The following TMEM106B variants were observed in gnomAD, a reference collection of about 807,000 sequenced individuals.
TMEM106B encodes the protein transmembrane protein 106B.
TMEM106B carries 15 observed loss-of-function variants against 31.1 expected under a neutral mutation model. The ratio of observed to expected loss-of-function variants is 0.48; its 90% CI spans 0.32 to 0.74. TMEM106B has a LOEUF of 0.74. TMEM106B is among the 30% of genes least tolerant of loss of function. The pLI is 0.03. For synonymous variants in TMEM106B, 126 were observed against 112.5 expected (o/e 1.12, Z -0.76); for missense variants, 283 against 327.3 (o/e 0.86, Z 1.04).
chr7:12,214,747 A>G, intron 1 of TMEM106B, 62 bp from the exon 2 acceptor site: 1 of 1,262,850 alleles, frequency 7.9e-7, no homozygotes, highest in Non-Finnish European at 1.1e-6. Flanking sequence ...TAAATATCTC[A>G]GAGTGTTCTT....
At chr7:12,221,801 C>G (rs772274823) in intron 3 of TMEM106B, among the ~76,000 whole-genome samples, 6 of 152,046 alleles carry the variant, frequency 3.9e-5, no homozygotes, top group Non-Finnish European at 7.4e-5. Context: ...GGCAGAGTAC[C>G]AGAAGGTAGA....
intron 3 of TMEM106B, among the ~76,000 whole-genome samples, chr7:12,221,137 ATAACT>A (rs1294364194): frequency 7.9e-5 from 12 of 151,072 alleles, no homozygotes; most frequent in South Asian, 2.1e-4. Context: ...TTTTTTTTAC[ATAACT>A]TAAAAGATGA....
rs918572281 is a variant in TMEM106B, at chr7:12,232,201, A to AT, written c.*229dup. 5 of 335,110 alleles carry AT rather than the reference A, an allele frequency of 1.5e-5. No individual in the cohort carries two copies. Among genetic ancestry groups the AT allele is most frequent in the African/African-American group, 1.0e-4 (5 of 48,288 alleles). 20.8% of individuals were successfully genotyped at this position (335,110 alleles called of 1,614,324 possible). A position where few individuals can be genotyped will look rare whatever the true frequency, so the allele number is the denominator to read the frequency against. On this transcript the variant is annotated 3_prime_UTR_variant, in exon 8 of 8. Transcript: ENST00000396668. ...TACTTGAATCTAAATTTACTGGTTGATTTCCTTCTCCAGCCTATCCCCTAC... is the reference window on the plus strand; with the variant it reads ...TACTTGAATCTAAATTTACTGGTTGATTTTCCTTCTCCAGCCTATCCCCTAC...
intron 4 of TMEM106B, among the ~76,000 whole-genome samples, chr7:12,229,304 T>A (rs1034699949): frequency 6.6e-6 from 1 of 152,166 alleles, no homozygotes; most frequent in Non-Finnish European, 1.5e-5. Context: ...AGTGAGCTGT[T>A]GTAAATCTCT....
chr7:12,226,190 G>C (rs1241665480), intron 4 of TMEM106B, among the ~76,000 whole-genome samples: 2 of 152,076 alleles, frequency 1.3e-5, no homozygotes, highest in Non-Finnish European at 2.9e-5. Flanking sequence ...GTAGATGTGT[G>C]GTATTATTTC....
Position 12,243,062 on chromosome 7 carries a change from T to C in TMEM106B, c.*11087T>C, listed in dbSNP as rs1782260983. ...ATAACATCATTAGATTTTTACAGAA[T>C]CTTTAAAAAAGCTTTAATATTTTCA... On this transcript the variant is annotated 3_prime_UTR_variant, in exon 8 of 8. Transcript: ENST00000396668. 1 of 152,116 alleles carries C rather than the reference T, an allele frequency of 6.6e-6. No homozygotes were observed. Among genetic ancestry groups the C allele is most frequent in the African/African-American group, 2.4e-5 (1 of 41,466 alleles). The allele number at this position is 152,116 out of a possible 1,614,324, so 9.4% of individuals were successfully genotyped here. A position where few individuals can be genotyped will look rare whatever the true frequency, so the allele number is the denominator to read the frequency against.
At chr7:12,231,557 CT>C (rs1782023301) in intron 7 of TMEM106B, 2 of 294,212 alleles carry the variant, frequency 6.8e-6, no homozygotes, top group Admixed American at 9.5e-5. Flanking sequence ...ACCATGGTCA[CT>C]TTTAAGCATA....
chr7:12,233,730 C>A lies in TMEM106B; in HGVS notation c.*1755C>A, dbSNP rs1782074982. ...CTTCTGCTACGTTTCCTGACTACTA[C>A]TGCATACTTCTCTGATACAGGTTCT... On this transcript the variant is annotated 3_prime_UTR_variant, in exon 8 of 8. Transcript: ENST00000396668. The A allele has an allele frequency of 6.6e-6, 1 of 150,984 alleles. No individual in the cohort carries two copies. The allele number at this position is 150,984 out of a possible 1,614,324, so 9.4% of individuals were successfully genotyped here.
intron 2 of TMEM106B, among the ~76,000 whole-genome samples, chr7:12,218,126 A>G (rs1781723353): frequency 6.6e-6 from 1 of 152,120 alleles, no homozygotes; most frequent in Non-Finnish European, 1.5e-5. Flanking sequence ...ACCAAATCAG[A>G]GTCTTAATGG....
At position 12,235,035 on chromosome 7, in the gene TMEM106B, A is replaced by T. The variant is rs1391852621; in HGVS notation, c.*3060A>T. 6.6e-6 allele frequency: 1 copy of T among 152,246 alleles called. No individual in the cohort carries two copies. Among genetic ancestry groups the T allele is most frequent in the Non-Finnish European group, 1.5e-5 (1 of 67,828 alleles). The allele number at this position is 152,246 out of a possible 1,614,324, so 9.4% of individuals were successfully genotyped here. On this transcript the variant is annotated 3_prime_UTR_variant, in exon 8 of 8. Coordinates refer to ENST00000396668, the MANE Select transcript of TMEM106B (RefSeq NM_001134232.2). The stretch of plus-strand genomic sequence containing the variant: ...GAAATCCCTGCTGACTCAGATTGGT[A>T]TGATTAAAAATGAGAGGAAAGTTCA...
At chr7:12,231,797 A>G (rs761035581) in intron 7 of TMEM106B, 40 bp from the exon 8 acceptor site, 14 of 1,518,422 alleles carry the variant, frequency 9.2e-6, no homozygotes, top group Non-Finnish European at 1.2e-5. Flanking sequence ...AACTTCTAAT[A>G]TAACTATTAA....
At chr7:12,219,498 G>A (rs975217940) in intron 3 of TMEM106B, among the ~76,000 whole-genome samples, 1 of 152,154 alleles carries the variant, frequency 6.6e-6, no homozygotes, top group Non-Finnish European at 1.5e-5. Context: ...AGAAGTTGAA[G>A]AAAGTAAGCT....
chr7:12,230,230 A>T (rs1027979598), intron 5 of TMEM106B, 159 bp from the exon 6 acceptor site: 1 of 682,656 alleles, frequency 1.5e-6, no homozygotes, highest in Non-Finnish European at 2.6e-6. Flanking sequence ...AAGAAAAAAA[A>T]GAAAAAGAAA....
At position 12,224,282 on chromosome 7, in the gene TMEM106B, T is replaced by G. The variant is rs1583454600; in HGVS notation, c.338T>G (p.Val113Gly). The change falls in exon 4 of 8, where the codon GTG (valine) becomes GGG (glycine). Residue 113 changes from valine (V) to glycine (G), a missense_variant. Coordinates refer to ENST00000396668, the MANE Select transcript of TMEM106B (RefSeq NM_001134232.2). ...FVCLLLSGLA[V>G]FFLFPRSIDV... Reference sequence around the variant, plus strand: ...TGTCTACTCCTTTCTGGATTGGCTGTGTTTTTCCTTTTCCCTCGCTCTATC... The same window carrying G: ...TGTCTACTCCTTTCTGGATTGGCTGGGTTTTTCCTTTTCCCTCGCTCTATC... 6.2e-7 allele frequency: 1 copy of G among 1,614,154 alleles called. No homozygotes were observed. The highest frequency in any genetic ancestry group is 8.5e-7 in the Non-Finnish European group (1 of 1,179,990).
chr7:12,226,064 G>C (rs928824883), intron 4 of TMEM106B, among the ~76,000 whole-genome samples: 5 of 152,152 alleles, frequency 3.3e-5, no homozygotes, highest in Admixed American at 6.5e-5. Context: ...GTGTAAGGAA[G>C]GGATCCAGTT....
rs555022873 is a variant in TMEM106B, at chr7:12,235,968, G to A, written c.*3993G>A. 2.1e-5 allele frequency: 3 copies of A among 142,978 alleles called. No individual in the cohort carries two copies. Among genetic ancestry groups the A allele is most frequent in the South Asian group, 4.7e-4 (2 of 4,234 alleles). 8.9% of individuals were successfully genotyped at this position (142,978 alleles called of 1,614,324 possible). On this transcript the variant is annotated 3_prime_UTR_variant, in exon 8 of 8. Transcript: ENST00000396668. ...TTTATTCTCTCTTTTTTATAAAATC[G>A]GGTTTCAGATGAGATGTTTATCTTA...
At position 12,232,166 on chromosome 7, in the gene TMEM106B, T is replaced by C. The variant is rs1404213804; in HGVS notation, c.*191T>C. ...CTCTGTGTTAATGATATATTTGTAC[T>C]AGGATCTTTTACTTGAATCTAAATT... On this transcript the variant is annotated 3_prime_UTR_variant, in exon 8 of 8. Transcript: ENST00000396668. 4.7e-6 allele frequency: 2 copies of C among 423,074 alleles called. No individual in the cohort carries two copies. The highest frequency in any genetic ancestry group is 2.0e-5 in the African/African-American group (1 of 50,510). The allele number at this position is 423,074 out of a possible 1,614,324, so 26.2% of individuals were successfully genotyped here. A position where few individuals can be genotyped will look rare whatever the true frequency, so the allele number is the denominator to read the frequency against.
rs1432063659 is a variant in TMEM106B, at chr7:12,233,431, T to C, written c.*1456T>C. 1 of 151,642 alleles carries C rather than the reference T, an allele frequency of 6.6e-6. No homozygotes were observed. The highest frequency in any genetic ancestry group is 1.9e-4 in the East Asian group (1 of 5,178). 9.4% of individuals were successfully genotyped at this position (151,642 alleles called of 1,614,324 possible). On this transcript the variant is annotated 3_prime_UTR_variant, in exon 8 of 8. Coordinates refer to ENST00000396668, the MANE Select transcript of TMEM106B (RefSeq NM_001134232.2). ...CTTAGGTCTGAAACAGCCTGTTTAT[T>C]AGTCTGACTCTCTCAACCATAAAAC...
At chr7:12,216,768 A>T (rs145791272) in intron 2 of TMEM106B, among the ~76,000 whole-genome samples, 11 of 152,246 alleles carry the variant, frequency 7.2e-5, no homozygotes, top group African/African-American at 2.6e-4. Context: ...CCAAGGAGGA[A>T]AGAGTGACCA....
Sources: gnomAD v4.1 joint callset for allele counts (sites outside exome capture counted in the v4.1 genomes callset) on GRCh38, gnomAD v4.1.1 for gene constraint, MANE v1.5 for transcripts, NCBI Gene and HGNC (gene_info 2026-07-23, HGNC 2026-07-21) for gene names.